The following GALNT8 variants were observed in gnomAD, a reference collection of about 807,000 sequenced individuals.
GALNT8 encodes the protein polypeptide N-acetylgalactosaminyltransferase 8, also known as probable polypeptide N-acetylgalactosaminyltransferase 8.
GALNT8 carries 66 observed loss-of-function variants against 62.7 expected under a neutral mutation model. The ratio of observed to expected loss-of-function variants is 1.05; its 90% CI spans 0.86 to 1.29. The LOEUF (loss-of-function observed/expected upper bound fraction) is 1.29, where lower values mean the gene tolerates loss of function less well. GALNT8 is among the 50% of genes most tolerant of loss of function. GALNT8 has a pLI of 0.00. For missense variants in GALNT8, 771 were observed against 791.8 expected (o/e 0.97, Z 0.32); for synonymous variants, 288 against 294.3 (o/e 0.98, Z 0.22).
intron 2 of GALNT8, among the ~76,000 whole-genome samples, chr12:4,735,358 A>C (rs1156600430): frequency 6.6e-6 from 1 of 151,948 alleles, no homozygotes; most frequent in Non-Finnish European, 1.5e-5. Flanking sequence ...TGTTCCCCCT[A>C]CCCACCGTCA....
At chr12:4,758,894 A>G (rs186493305) in intron 6 of GALNT8, among the ~76,000 whole-genome samples, 67 of 151,824 alleles carry the variant, frequency 4.4e-4, no homozygotes, top group African/African-American at 1.5e-3. Flanking sequence ...CTCCTGCCTC[A>G]GCTCCTGAGT....
chr12:4,744,560 C>T lies in GALNT8; in HGVS notation c.720C>T (p.Asn240=), dbSNP rs142502566. The T allele has an allele frequency of 3.6e-5, 58 of 1,612,338 alleles. No homozygotes were observed. The East Asian group carries it at 4.7e-4, about 13-fold the overall frequency. Residue 240 remains asparagine (N), a synonymous_variant, in exon 4 of 11, where the codon AAC becomes AAT. Coordinates refer to ENST00000252318, the MANE Select transcript of GALNT8 (RefSeq NM_017417.2). Reference sequence around the variant, plus strand: ...TGGATGAGAAGATTAAGCTTTACAACCAGAAGTATCCAGGACTACTGAAAA... The same window carrying T: ...TGGATGAGAAGATTAAGCTTTACAATCAGAAGTATCCAGGACTACTGAAAA... ...VHLDEKIKLY[N]QKYPGLLKII...
intron 2 of GALNT8, among the ~76,000 whole-genome samples, chr12:4,734,967 G>A (rs1326404173): frequency 6.6e-6 from 1 of 152,220 alleles, no homozygotes; most frequent in African/African-American, 2.4e-5. Flanking sequence ...ATGGTGAACG[G>A]GTGAACAGTG....
chr12:4,746,629 AGG>A (rs1422978108), intron 6 of GALNT8, among the ~76,000 whole-genome samples: 1 of 152,200 alleles, frequency 6.6e-6, no homozygotes, highest in Non-Finnish European at 1.5e-5. Flanking sequence ...CAGCGTGACT[AGG>A]GAATGCAGAC....
chr12:4,764,346 C>T (rs1354579864), intron 9 of GALNT8, among the ~76,000 whole-genome samples: 1 of 152,140 alleles, frequency 6.6e-6, no homozygotes, highest in Non-Finnish European at 1.5e-5. Context: ...CCTTCCTTTT[C>T]CCCTCCTCCC....
chr12:4,720,528 G>A lies in GALNT8; in HGVS notation c.-150G>A. On this transcript the variant is annotated 5_prime_UTR_variant, in exon 1 of 11. Transcript: ENST00000252318. ...CTTTGCTCCTCAGAGGCCACCCGTG[G>A]CTTCCCATGGGTGTCTCACACAGGG... The A allele has an allele frequency of 1.6e-6, 1 of 628,604 alleles. No homozygotes were observed. The highest frequency in any genetic ancestry group is 2.9e-6 in the Non-Finnish European group (1 of 349,792). The allele number at this position is 628,604 out of a possible 1,614,324, so 38.9% of individuals were successfully genotyped here.
At chr12:4,765,855 A>G (rs1946397717) in intron 10 of GALNT8, among the ~76,000 whole-genome samples, 2 of 152,038 alleles carry the variant, frequency 1.3e-5, no homozygotes, top group South Asian at 4.2e-4. Context: ...GCTCACTGCA[A>G]CCTCTGCCTC....
chr12:4,750,653 C>T (rs1946318523), intron 6 of GALNT8, among the ~76,000 whole-genome samples: 1 of 151,984 alleles, frequency 6.6e-6, no homozygotes, highest in African/African-American at 2.4e-5. Flanking sequence ...AATGAACATA[C>T]ATGTGTATGA....
intron 6 of GALNT8, among the ~76,000 whole-genome samples, chr12:4,747,665 C>T: frequency 6.6e-6 from 1 of 152,128 alleles, no homozygotes; most frequent in East Asian, 1.9e-4. Flanking sequence ...GTGAACAGTG[C>T]TGCAACAAAC....
chr12:4,752,860 G>A (rs903215169), intron 6 of GALNT8, among the ~76,000 whole-genome samples: 1 of 152,122 alleles, frequency 6.6e-6, no homozygotes, highest in Non-Finnish European at 1.5e-5. Context: ...GGATTGGTCT[G>A]GTGTTGATGA....
At chr12:4,723,614 T>C (rs3782741) in intron 1 of GALNT8, among the ~76,000 whole-genome samples, 61,594 of 151,984 alleles carry the variant, frequency 0.41, 12,684 homozygotes, top group Admixed American at 0.44. Context: ...CTCTTTCCTT[T>C]TTTGCAAAGA....
intron 6 of GALNT8, among the ~76,000 whole-genome samples, chr12:4,750,472 G>T (rs1946317666): frequency 6.6e-6 from 1 of 152,038 alleles, no homozygotes; most frequent in African/African-American, 2.4e-5. Context: ...GAGTTAGTTT[G>T]CTAAGGATAA....
intron 6 of GALNT8, among the ~76,000 whole-genome samples, chr12:4,748,041 T>C (rs937086740): frequency 1.3e-5 from 2 of 152,208 alleles, no homozygotes; most frequent in African/African-American, 2.4e-5. Flanking sequence ...TCTATTCGAA[T>C]CTTTTGCCCA....
chr12:4,753,818 C>G (rs1946332499), intron 6 of GALNT8, among the ~76,000 whole-genome samples: 1 of 152,106 alleles, frequency 6.6e-6, no homozygotes, highest in Non-Finnish European at 1.5e-5. Flanking sequence ...CTTGTTTGTA[C>G]CCATCCTTCT....
chr12:4,763,437 A>G, intron 8 of GALNT8, 47 bp downstream of exon 8: 1 of 1,507,314 alleles, frequency 6.6e-7, no homozygotes, highest in Non-Finnish European at 9.2e-7. Context: ...TTTGACTGTG[A>G]AAGACAATGC....
chr12:4,738,052 A>G (rs1434540541), intron 2 of GALNT8, among the ~76,000 whole-genome samples: 1 of 152,192 alleles, frequency 6.6e-6, no homozygotes, highest in East Asian at 1.9e-4. Context: ...AGCTTTCTAC[A>G]TGGTGGAATG....
chr12:4,754,185 C>G (rs1481531101), intron 6 of GALNT8, among the ~76,000 whole-genome samples: 2 of 151,914 alleles, frequency 1.3e-5, no homozygotes, highest in African/African-American at 4.8e-5. Context: ...TGTAACCACT[C>G]ACTGTGTACT....
intron 6 of GALNT8, among the ~76,000 whole-genome samples, chr12:4,753,996 A>G (rs1185709487): frequency 6.6e-6 from 1 of 152,226 alleles, no homozygotes; most frequent in Non-Finnish European, 1.5e-5. Context: ...ATTACCAGGC[A>G]GAGACCCTTG....
chr12:4,728,158 T>G (rs1326205268), intron 2 of GALNT8, among the ~76,000 whole-genome samples: 1 of 152,114 alleles, frequency 6.6e-6, no homozygotes, highest in African/African-American at 2.4e-5. Context: ...GCCATATGTA[T>G]GTCTTCTTTG....
Sources: allele counts gnomAD v4.1 joint callset (sites outside exome capture counted in the v4.1 genomes callset), GRCh38; gene constraint gnomAD v4.1.1; transcripts MANE v1.5; gene names NCBI Gene and HGNC (gene_info 2026-07-23, HGNC 2026-07-21).